Variants in SLC2A3 observed in about 807,000 individuals in gnomAD.
SLC2A3 encodes solute carrier family 2 member 3, also known as solute carrier family 2, facilitated glucose transporter member 3.
Under a neutral mutation model 46.4 loss-of-function variants are expected in SLC2A3, and 21 were observed. The ratio of observed to expected loss-of-function variants is 0.45; its 90% CI spans 0.32 to 0.65. The LOEUF (loss-of-function observed/expected upper bound fraction) is 0.65. Among genes scored for constraint, SLC2A3 ranks in the 30% least tolerant of loss-of-function variants. SLC2A3 has a pLI of 0.04. For missense variants in SLC2A3, 499 were observed against 623.3 expected (o/e 0.80, Z 2.12); for synonymous variants, 213 against 239.4 (o/e 0.89, Z 1.02).
rs2121197035 is a variant in SLC2A3 at position 7,931,271 on chromosome 12, T to C, written c.484A>G (p.Ile162Val). 2 of 1,614,188 alleles carry C rather than the reference T, an allele frequency of 1.2e-6. No individual in the cohort carries two copies. The highest frequency in any genetic ancestry group is 1.7e-6 in the Non-Finnish European group (2 of 1,180,022). Residue 162 changes from isoleucine to valine, a missense_variant, in exon 4 of 10, where the codon ATC becomes GTC. Ile to Val is a conservative substitution (Grantham distance 29, BLOSUM62 3). Coordinates refer to ENST00000075120, the MANE Select transcript of SLC2A3 (RefSeq NM_006931.3). ...GAFGTLNQLG[I>V]VVGILVAQIF... The stretch of plus-strand genomic sequence containing the variant: ...TGGGCCACCAGAATTCCAACAACGA[T>C]GCCCAGCTGGTTGAGAGTGCCAAAG...
At chr12:7,935,605 C>G (rs753167853) in intron 1 of SLC2A3, among the ~76,000 whole-genome samples, 1 of 152,282 alleles carries the variant, frequency 6.6e-6, no homozygotes, top group East Asian at 1.9e-4. Flanking sequence ...ATAGGACAAA[C>G]AGATGGCCAG....
At chr12:7,930,316 C>T (rs1815133548) in intron 5 of SLC2A3, 164 bp downstream of exon 5, 1 of 727,110 alleles carries the variant, frequency 1.4e-6, no homozygotes. Context: ...CTTTTCACCT[C>T]ATTCTTTAGG....
rs747182486 is a variant in SLC2A3 at position 7,923,051 on chromosome 12, T to C, written c.1069-27A>G. ...TGTAAGAGCAAGGAACAGAGAAAATTAAATTTAAAGACAGTGTAACCTAGT... is the reference window on the plus strand; with the variant it reads ...TGTAAGAGCAAGGAACAGAGAAAATCAAATTTAAAGACAGTGTAACCTAGT... On this transcript the variant is annotated intron_variant, in intron 8 of 9. Transcript: ENST00000075120. The C allele has an allele frequency of 1.9e-6, 3 of 1,592,668 alleles. No homozygotes were observed. In the East Asian group the frequency reaches 6.7e-5, roughly 36 times the overall value.
intron 6 of SLC2A3, chr12:7,929,467 C>A: frequency 6.5e-6 from 4 of 618,898 alleles, no homozygotes; most frequent in Non-Finnish European, 1.0e-5. Context: ...TTTTTTTTTC[C>A]TTTTTTTAAA....
At chr12:7,923,205 G>C (rs748423861) in intron 8 of SLC2A3, 181 bp from the exon 9 acceptor site, 3 of 643,762 alleles carry the variant, frequency 4.7e-6, no homozygotes, top group Non-Finnish European at 7.8e-6. Context: ...GTCTTACTCT[G>C]TTGCCCATGC....
intron 1 of SLC2A3, among the ~76,000 whole-genome samples, chr12:7,935,334 C>G (rs1015759337): frequency 1.3e-5 from 2 of 152,162 alleles, no homozygotes; most frequent in East Asian, 1.9e-4. Context: ...TGCCTGTAAT[C>G]TCAGCTACTC....
chr12:7,935,156 T>C (rs1946199042), intron 1 of SLC2A3, among the ~76,000 whole-genome samples: 1 of 152,120 alleles, frequency 6.6e-6, no homozygotes, highest in Admixed American at 6.6e-5. Context: ...TTTATCTTGG[T>C]AAAAAATGCC....
At chr12:7,931,790 A>C (rs1173324624) in intron 3 of SLC2A3, among the ~76,000 whole-genome samples, 1 of 152,084 alleles carries the variant, frequency 6.6e-6, no homozygotes, top group Non-Finnish European at 1.5e-5. Context: ...GGGGTAAAAA[A>C]ACAAAAGAAC....
Position 7,920,085 on chromosome 12 carries a change from G to A in SLC2A3, c.*1328C>T, listed in dbSNP as rs772865567. On this transcript the variant is annotated 3_prime_UTR_variant, in exon 10 of 10. Transcript: ENST00000075120. ...ACAGACATACGCAAGCGTGCCGTGA[G>A]CCTAAAGCAACAACACACTTTAGAT... 2.3e-4 allele frequency: 35 copies of A among 152,534 alleles called. No homozygotes were observed. The highest frequency in any genetic ancestry group is 8.4e-4 in the African/African-American group (35 of 41,530). 9.4% of individuals were successfully genotyped at this position (152,534 alleles called of 1,614,324 possible).
chr12:7,922,986 A>T lies in SLC2A3; in HGVS notation c.1107T>A (p.Ala369=), dbSNP rs1946054558. 1.2e-6 allele frequency: 2 copies of T among 1,613,958 alleles called. No individual in the cohort carries two copies. Among genetic ancestry groups the T allele is most frequent in the African/African-American group, 1.3e-5 (1 of 74,916 alleles). ...YNGMSFVCIG[A]ILVFVAFFEI... ...CAAAGAAGGCTACAAAGACCAAGAT[A>T]GCCCCAATACAGACAAAGCTCATCC... Residue 369 remains alanine (A), a synonymous_variant, in exon 9 of 10, where the codon GCT becomes GCA. Coordinates refer to ENST00000075120, the MANE Select transcript of SLC2A3 (RefSeq NM_006931.3).
At chr12:7,923,078 T>TA in intron 8 of SLC2A3, 54 bp from the exon 9 acceptor site, 3 of 1,502,436 alleles carry the variant, frequency 2.0e-6, no homozygotes, top group Non-Finnish European at 2.7e-6. Flanking sequence ...TAACCTAGTA[T>TA]CTAGGTTCCC....
chr12:7,922,826 C>G lies in SLC2A3; in HGVS notation c.1267G>C (p.Ala423Pro). The G allele has an allele frequency of 6.2e-7, 1 of 1,613,930 alleles. No homozygotes were observed. Among genetic ancestry groups the G allele is most frequent in the Non-Finnish European group, 8.5e-7 (1 of 1,179,888 alleles). The part of the protein sequence containing the change: ...NFLVGLLFPS[A>P]AHYLGAYVFI... ...GATAAGGTGAGTTTACTTACAGCAGCGGAGGGGAAGAGCAATCCGACTAGG... is the reference window on the plus strand; with the variant it reads ...GATAAGGTGAGTTTACTTACAGCAGGGGAGGGGAAGAGCAATCCGACTAGG... Residue 423 changes from alanine to proline, a missense_variant, in exon 9 of 10, where the codon GCT becomes CCT. By Grantham distance (27) the Ala-to-Pro change is conservative. Transcript: ENST00000075120.
At chr12:7,930,925 T>C (rs772030406) in intron 4 of SLC2A3, among the ~76,000 whole-genome samples, 5 of 150,464 alleles carry the variant, frequency 3.3e-5, no homozygotes, top group African/African-American at 1.2e-4. Flanking sequence ...GCCTCCGGAG[T>C]AGCTGGGACT....
intron 5 of SLC2A3, chr12:7,930,154 T>C: frequency 1.7e-6 from 1 of 590,574 alleles, no homozygotes; most frequent in South Asian, 2.3e-5. Context: ...CCCGGCTAAT[T>C]TTGTATTTTT....
At position 7,920,790 on chromosome 12, in the gene SLC2A3, T is replaced by G. The variant is rs1257618702; in HGVS notation, c.*623A>C. Reference sequence around the variant, plus strand: ...CCTCTAATCTCAATTTCCTTCTGTTTTTATTATTTGGCAAAATTACGCTTA... The same window carrying G: ...CCTCTAATCTCAATTTCCTTCTGTTGTTATTATTTGGCAAAATTACGCTTA... On this transcript the variant is annotated 3_prime_UTR_variant, in exon 10 of 10. Coordinates refer to ENST00000075120, the MANE Select transcript of SLC2A3 (RefSeq NM_006931.3). 1.9e-5 allele frequency: 3 copies of G among 154,380 alleles called. No homozygotes were observed. Among genetic ancestry groups the G allele is most frequent in the African/African-American group, 4.8e-5 (2 of 41,540 alleles). 9.6% of individuals were successfully genotyped at this position (154,380 alleles called of 1,614,324 possible). A position where few individuals can be genotyped will look rare whatever the true frequency, so the allele number is the denominator to read the frequency against.
intron 8 of SLC2A3, 87 bp from the exon 9 acceptor site, chr12:7,923,111 C>A: frequency 1.6e-6 from 2 of 1,240,070 alleles, no homozygotes; most frequent in Non-Finnish European, 2.2e-6. Flanking sequence ...CGGCAAGCTC[C>A]TCCTGTCCCT....
intron 1 of SLC2A3, among the ~76,000 whole-genome samples, chr12:7,934,552 T>C (rs1184105191): frequency 1.3e-5 from 2 of 152,120 alleles, no homozygotes; most frequent in African/African-American, 4.8e-5. Flanking sequence ...GAACCCAACA[T>C]ATAAGAGACA....
intron 6 of SLC2A3, among the ~76,000 whole-genome samples, chr12:7,926,927 A>G (rs1946101291): frequency 1.3e-5 from 2 of 152,172 alleles, no homozygotes; most frequent in Non-Finnish European, 2.9e-5. Context: ...TATAACTACC[A>G]TAGTTAAGAG....
rs1383780029 is a variant in SLC2A3, at chr12:7,920,078, G to C, written c.*1335C>G. The C allele has an allele frequency of 1.3e-5, 2 of 152,382 alleles. No homozygotes were observed. The highest frequency in any genetic ancestry group is 2.9e-5 in the Non-Finnish European group (2 of 68,014). 9.4% of individuals were successfully genotyped at this position (152,382 alleles called of 1,614,324 possible). On this transcript the variant is annotated 3_prime_UTR_variant, in exon 10 of 10. Coordinates refer to ENST00000075120, the MANE Select transcript of SLC2A3 (RefSeq NM_006931.3). ...CATGGTAACAGACATACGCAAGCGT[G>C]CCGTGAGCCTAAAGCAACAACACAC...
Sources: allele counts gnomAD v4.1 joint callset (sites outside exome capture counted in the v4.1 genomes callset), GRCh38; gene constraint gnomAD v4.1.1; transcripts MANE v1.5; gene names NCBI Gene and HGNC (gene_info 2026-07-23, HGNC 2026-07-21).